The following FMN2 variants were observed in gnomAD, a reference collection of about 807,000 sequenced individuals.
The protein encoded by FMN2 is formin 2.
Under a neutral mutation model 142.3 loss-of-function variants are expected in FMN2, and 51 were observed. The observed-to-expected ratio is 0.36, with a 90% CI of 0.29 to 0.45. The LOEUF (loss-of-function observed/expected upper bound fraction) is 0.45. Ranked by LOEUF, FMN2 falls within the 20% of genes least tolerant of loss-of-function variation. The pLI, the probability that FMN2 is intolerant of heterozygous loss-of-function variation, is 1.00. For synonymous variants in FMN2, 882 were observed against 869.8 expected, an observed-to-expected ratio of 1.01 and a Z score of -0.25; for missense variants, 1,936 against 2,122.8, an observed-to-expected ratio of 0.91 and a Z score of 1.73.
At chr1:240,277,214 A>G (rs1012778862) in intron 7 of FMN2, among the ~76,000 whole-genome samples, 2 of 152,182 alleles carry the variant, frequency 1.3e-5, no homozygotes, top group African/African-American at 4.8e-5. Context: ...AACATTGAAT[A>G]TTTGTCACAG....
At chr1:240,260,493 C>G (rs1668588949) in intron 7 of FMN2, among the ~76,000 whole-genome samples, 2 of 152,030 alleles carry the variant, frequency 1.3e-5, no homozygotes, top group Non-Finnish European at 1.5e-5. Flanking sequence ...ATTTGCATTT[C>G]CCTGATCATT....
At chr1:240,452,482 T>G (rs1676095072) in intron 16 of FMN2, among the ~76,000 whole-genome samples, 1 of 152,120 alleles carries the variant, frequency 6.6e-6, no homozygotes, top group Non-Finnish European at 1.5e-5. Context: ...TGCAAAAATT[T>G]TATCAGAAAT....
intron 1 of FMN2, among the ~76,000 whole-genome samples, chr1:240,115,579 G>T (rs1356114076): frequency 6.6e-6 from 1 of 152,138 alleles, no homozygotes; most frequent in African/African-American, 2.4e-5. Flanking sequence ...CAGGTTGAGG[G>T]ACACTGGAGG....
chr1:240,152,852 G>T (rs1399316098), intron 2 of FMN2, among the ~76,000 whole-genome samples: 1 of 152,172 alleles, frequency 6.6e-6, no homozygotes, highest in Non-Finnish European at 1.5e-5. Context: ...AGAGCCATCA[G>T]TGATTATTGG....
intron 14 of FMN2, among the ~76,000 whole-genome samples, chr1:240,372,252 T>G (rs1430218921): frequency 6.6e-6 from 1 of 152,052 alleles, no homozygotes; most frequent in African/African-American, 2.4e-5. Flanking sequence ...CAAAAACTTA[T>G]GAGAAAAGTC....
intron 6 of FMN2, among the ~76,000 whole-genome samples, chr1:240,226,892 T>TG (rs2103433767): frequency 6.6e-6 from 1 of 151,302 alleles, no homozygotes; most frequent in African/African-American, 2.4e-5. Flanking sequence ...ATAGCATCTG[T>TG]GAAAAACCCA....
chr1:240,248,038 A>G (rs1668136754), intron 6 of FMN2, among the ~76,000 whole-genome samples: 1 of 152,028 alleles, frequency 6.6e-6, no homozygotes, highest in Non-Finnish European at 1.5e-5. Context: ...TATCATTAGA[A>G]CGTATTTCTT....
intron 6 of FMN2, among the ~76,000 whole-genome samples, chr1:240,247,038 G>A (rs370931384): frequency 1.1e-4 from 16 of 152,150 alleles, no homozygotes; most frequent in East Asian, 9.6e-4. Context: ...GCAGTGGTTC[G>A]TAATGCAAAG....
chr1:240,271,999 C>A (rs1166429098), intron 7 of FMN2, among the ~76,000 whole-genome samples: 1 of 152,096 alleles, frequency 6.6e-6, no homozygotes, highest in Non-Finnish European at 1.5e-5. Context: ...AGAAAGAATG[C>A]AATACTTGGG....
chr1:240,258,085 G>T lies in FMN2; in HGVS notation c.4153+53G>T, dbSNP rs1558397499. ...CTGAATATTAAAATTTGGGCTGAGG[G>T]ATATGATGTTTGTTGGTAATGTTAT... is the stretch of plus-strand genomic sequence containing the variant. On this transcript the variant is annotated intron_variant, in intron 7 of 17. Transcript: ENST00000319653. 5 of 1,330,588 alleles carry T rather than the reference G, an allele frequency of 3.8e-6. No homozygotes were observed. The East Asian group carries it at 9.3e-5, about 25-fold the overall frequency. The allele number at this position is 1,330,588 out of a possible 1,614,324, so 82.4% of individuals were successfully genotyped here. A position where few individuals can be genotyped will look rare whatever the true frequency, so the allele number is the denominator to read the frequency against.
At chr1:240,347,791 T>C (rs1037784925) in intron 13 of FMN2, among the ~76,000 whole-genome samples, 13 of 152,198 alleles carry the variant, frequency 8.5e-5, no homozygotes, top group African/African-American at 3.1e-4. Context: ...GAACATGTGG[T>C]ATTTGGTTTT....
intron 7 of FMN2, among the ~76,000 whole-genome samples, chr1:240,272,509 C>T (rs1669052078): frequency 6.6e-6 from 1 of 152,148 alleles, no homozygotes; most frequent in South Asian, 2.1e-4. Flanking sequence ...TGTGTTTTGA[C>T]AAGCACTTCT....
At position 240,312,470 on chromosome 1, in the gene FMN2, T is replaced by C. The variant is rs1670631431; in HGVS notation, c.4216-16606T>C. Among the ~76,000 whole-genome samples the C allele has an allele frequency of 3.9e-5, 6 of 152,206 alleles. 1 individual carries two copies. In the South Asian group the frequency reaches 1.2e-3, roughly 32 times the overall value. ...GCATATTCACTTTTCTTTACTCCCA[T>C]TCTCTCTGATCTGATGAAAGTTCTG... On this transcript the variant is annotated intron_variant, in intron 8 of 17. Transcript: ENST00000319653.
intron 3 of FMN2, among the ~76,000 whole-genome samples, chr1:240,180,001 G>C (rs1665084465): frequency 6.6e-6 from 1 of 152,126 alleles, no homozygotes; most frequent in Non-Finnish European, 1.5e-5. Flanking sequence ...GAAGTTAATT[G>C]AATGTGATAA....
At chr1:240,380,559 A>C (rs564317142) in intron 14 of FMN2, among the ~76,000 whole-genome samples, 87 of 152,278 alleles carry the variant, frequency 5.7e-4, no homozygotes, top group African/African-American at 2.1e-3. Context: ...CCCTTGGTCA[A>C]TACCAAAACC....
At chr1:240,132,287 G>A (rs1411562134) in intron 2 of FMN2, among the ~76,000 whole-genome samples, 1 of 152,180 alleles carries the variant, frequency 6.6e-6, no homozygotes, top group Non-Finnish European at 1.5e-5. Context: ...ACCATAGGTT[G>A]TATGGTAAAA....
chr1:240,362,096 T>C (rs1672506355), intron 14 of FMN2, among the ~76,000 whole-genome samples: 1 of 152,194 alleles, frequency 6.6e-6, no homozygotes, highest in African/African-American at 2.4e-5. Flanking sequence ...GGGATTGGCA[T>C]AAGCAGACGC....
Position 240,092,604 on chromosome 1 carries a change from T to C in FMN2, c.495T>C (p.Thr165=). 1 of 1,613,934 alleles carries C rather than the reference T, an allele frequency of 6.2e-7. No individual in the cohort carries two copies. The highest frequency in any genetic ancestry group is 1.3e-5 in the African/African-American group (1 of 75,038). Residue 165 remains threonine (T), a synonymous_variant, in exon 1 of 18, where the codon ACT becomes ACC. Coordinates refer to ENST00000319653, the MANE Select transcript of FMN2 (RefSeq NM_020066.5). ...GGCCGATCGCCGAGGATGTGGAAACTGCAGCAGGGGCGCAGGATGGACAAA... is the reference window on the plus strand; with the variant it reads ...GGCCGATCGCCGAGGATGTGGAAACCGCAGCAGGGGCGCAGGATGGACAAA... The part of the protein sequence containing the change: ...GGRPIAEDVE[T]AAGAQDGQRT...
At chr1:240,121,963 T>C (rs1482147644) in intron 1 of FMN2, among the ~76,000 whole-genome samples, 4 of 151,898 alleles carry the variant, frequency 2.6e-5, no homozygotes, top group African/African-American at 9.7e-5. Flanking sequence ...TGTCAGTCAC[T>C]GATATTTCTG....
Sources: gnomAD v4.1 joint callset for allele counts (sites outside exome capture counted in the v4.1 genomes callset) on GRCh38, gnomAD v4.1.1 for gene constraint, MANE v1.5 for transcripts, NCBI Gene and HGNC (gene_info 2026-07-23, HGNC 2026-07-21) for gene names.